MTMR10: variants seen among roughly 807,000 people sequenced by gnomAD.
MTMR10 encodes the protein myotubularin-related protein 10.
A neutral mutation model predicts 88.1 loss-of-function variants in MTMR10; 56 were observed. The ratio of observed to expected loss-of-function variants is 0.64; its 90% CI spans 0.51 to 0.79. MTMR10 has a LOEUF of 0.79. Among genes scored for constraint, MTMR10 ranks in the 30% least tolerant of loss-of-function variants. The pLI, the probability that MTMR10 is intolerant of heterozygous loss-of-function variation, is 0.00. For missense variants in MTMR10, 883 were observed against 924.7 expected (o/e 0.95, Z 0.58); for synonymous variants, 380 against 340.9 (o/e 1.11, Z -1.26).
intron 1 of MTMR10, 29 bp downstream of exon 1, chr15:30,991,418 T>A: frequency 6.8e-7 from 1 of 1,461,066 alleles, no homozygotes. Context: ...CAGAGGAGAG[T>A]CGGGCGCTCG....
Position 30,991,432 on chromosome 15 carries a change from G to A in MTMR10, c.60+15C>T. 1.4e-6 allele frequency: 2 copies of A among 1,481,152 alleles called. No individual in the cohort carries two copies. The highest frequency in any genetic ancestry group is 8.9e-7 in the Non-Finnish European group (1 of 1,117,768). 91.8% of individuals were successfully genotyped at this position (1,481,152 alleles called of 1,614,324 possible). On this transcript the variant is annotated intron_variant, in intron 1 of 15. Transcript: ENST00000435680. ...GCAGAGGAGAGTCGGGCGCTCGCGG[G>A]GAGGGGTTGTTTACCTGGGGCGGTG...
intron 2 of MTMR10, among the ~76,000 whole-genome samples, chr15:30,980,856 C>T (rs2030521395): frequency 6.6e-6 from 1 of 152,062 alleles, no homozygotes; most frequent in East Asian, 1.9e-4. Context: ...AACAAAAATG[C>T]CGGATTAGAA....
At chr15:30,967,045 G>A (rs147214597) in intron 6 of MTMR10, among the ~76,000 whole-genome samples, 321 of 152,022 alleles carry the variant, frequency 2.1e-3, no homozygotes, top group African/African-American at 7.4e-3. Context: ...ACCATGTTTC[G>A]TGGTAACAAA....
chr15:30,923,928 G>A, the MTMR10 span, among the ~76,000 whole-genome samples: 1 of 152,016 alleles, frequency 6.6e-6, no homozygotes, highest in African/African-American at 2.4e-5. Context: ...TCATAGTGTT[G>A]TGTGACCATT....
chr15:30,958,133 C>T (rs2063352686), intron 9 of MTMR10, among the ~76,000 whole-genome samples: 2 of 152,186 alleles, frequency 1.3e-5, no homozygotes, highest in African/African-American at 4.8e-5. Flanking sequence ...ATGTAGAAGT[C>T]AAGGTAGACT....
Position 30,941,903 on chromosome 15 carries a change from C to T in MTMR10, c.1901G>A (p.Trp634Ter). The T allele has an allele frequency of 6.2e-7, 1 of 1,613,980 alleles. No individual in the cohort carries two copies. The highest frequency in any genetic ancestry group is 8.5e-7 in the Non-Finnish European group (1 of 1,179,872). The change falls in exon 16 of 16, where the codon TGG becomes TAG. Residue 634 changes from tryptophan to a stop codon, truncating the protein, a stop_gained. Transcript: ENST00000435680. LOFTEE classifies it low-confidence loss of function (END_TRUNC). Reference sequence around the variant, plus strand: ...GTGCAGGTTGGCGGGTTTGGAAAACCATTCTCTAAAATACTGCTCCGTATC... The same window carrying T: ...GTGCAGGTTGGCGGGTTTGGAAAACTATTCTCTAAAATACTGCTCCGTATC... Reference protein sequence around the residue: ...NSDTEQYFREWFSKPANLHGV... With the variant: ...NSDTEQYFRE
rs142149917 is a variant in MTMR10 at position 30,954,769 on chromosome 15, C to G, written c.1060G>C (p.Val354Leu). The change falls in exon 10 of 16, where the codon GTT (valine) becomes CTT (leucine). Residue 354 changes from valine to leucine, a missense_variant. Transcript: ENST00000435680. Reference sequence around the variant, plus strand: ...GAAATAAGAATGAAATTACCATTAACGCATAGCTGCTTCAGTTTTACAAAT... The same window carrying G: ...GAAATAAGAATGAAATTACCATTAAGGCATAGCTGCTTCAGTTTTACAAAT... ...AAFVKLKQLC[V>L]NEPFEETEEK... is the part of the protein sequence containing the mutation. The G allele has an allele frequency of 6.3e-7, 1 of 1,599,072 alleles. No individual in the cohort carries two copies. The highest frequency in any genetic ancestry group is 8.5e-7 in the Non-Finnish European group (1 of 1,173,618).
In MTMR10 at chr15:30,961,085, A is replaced by G. The variant is rs1367278798; in HGVS notation, c.566-12T>C. The stretch of plus-strand genomic sequence containing the variant: ...ATTAATTTTGTTTGCTGTAGGAAAA[A>G]GCAACATTATGAATTTTAACAGTCA... On this transcript the variant is annotated splice_polypyrimidine_tract_variant and intron_variant, in intron 6 of 15. Coordinates refer to ENST00000435680, the MANE Select transcript of MTMR10 (RefSeq NM_017762.3). 3 of 1,540,520 alleles carry G rather than the reference A, an allele frequency of 1.9e-6. 1 individual carries two copies. In the African/African-American group the frequency reaches 4.1e-5, roughly 21 times the overall value.
chr15:30,975,480 T>C (rs915212193), intron 3 of MTMR10, among the ~76,000 whole-genome samples: 60 of 152,334 alleles, frequency 3.9e-4, no homozygotes, highest in African/African-American at 1.4e-3. Context: ...AGTAGGGCAC[T>C]GGTTTACTTT....
downstream of MTMR10, among the ~76,000 whole-genome samples, chr15:30,936,060 C>T (rs1381337338): frequency 1.3e-5 from 2 of 151,652 alleles, no homozygotes; most frequent in Admixed American, 6.6e-5. Flanking sequence ...ATTAAATGTC[C>T]CTTAGGCTGC....
At chr15:30,979,414 AGCCAGGCGTGGTGGTGC>A (rs1251854795) in intron 2 of MTMR10, among the ~76,000 whole-genome samples, 26 of 151,480 alleles carry the variant, frequency 1.7e-4, no homozygotes, top group Admixed American at 1.1e-3. Flanking sequence ...AAAAAAATTT[AGCCAGGCGTGGTGGTGC>A]GCCAGGCGTG....
Position 30,991,461 on chromosome 15 carries a change from G to A in MTMR10, c.46C>T (p.Leu16=), listed in dbSNP as rs750500183. ...PPKPTFRSYL[L]PPPQTDDKIN... Reference sequence around the variant, plus strand: ...GGGTTGTTTACCTGGGGCGGTGGCAGGAGGTAGGACCTGAAGGTGGGTTTG... The same window carrying A: ...GGGTTGTTTACCTGGGGCGGTGGCAAGAGGTAGGACCTGAAGGTGGGTTTG... The change falls in exon 1 of 16, where the codon CTG becomes TTG. Residue 16 remains leucine (L), a synonymous_variant. Coordinates refer to ENST00000435680, the MANE Select transcript of MTMR10 (RefSeq NM_017762.3). 1.0e-5 allele frequency: 15 copies of A among 1,504,678 alleles called. No homozygotes were observed. The highest frequency in any genetic ancestry group is 2.7e-5 in the Admixed American group (1 of 37,214). 93.2% of individuals were successfully genotyped at this position (1,504,678 alleles called of 1,614,324 possible).
At chr15:30,946,828 T>TA in intron 14 of MTMR10, 1 of 684,342 alleles carries the variant, frequency 1.5e-6, no homozygotes, top group Non-Finnish European at 2.6e-6. Flanking sequence ...TACTACCCAA[T>TA]AGCCCAAATG....
At chr15:30,976,161 G>GA (rs2030133270) in intron 3 of MTMR10, among the ~76,000 whole-genome samples, 2 of 150,470 alleles carry the variant, frequency 1.3e-5, no homozygotes, top group African/African-American at 4.9e-5. Flanking sequence ...GGCACTTTGG[G>GA]AGGGGGAGGC....
rs565449566 is a variant in MTMR10 at position 30,989,291 on chromosome 15, A to C, written c.121+1486T>G. Among the ~76,000 whole-genome samples, 9 of 152,308 alleles carry C rather than the reference A, an allele frequency of 5.9e-5. No individual in the cohort carries two copies. The South Asian group carries it at 1.9e-3, about 32-fold the overall frequency. On this transcript the variant is annotated intron_variant, in intron 2 of 15. Transcript: ENST00000435680. ...GTAATTCTACTGTTCACTCTGAGGAAAAGTACAAATGATTAATTAGTACAC... is the reference window on the plus strand; with the variant it reads ...GTAATTCTACTGTTCACTCTGAGGACAAGTACAAATGATTAATTAGTACAC...
Position 30,976,805 on chromosome 15 carries a change from C to G in MTMR10, c.258+14G>C. 2 of 1,608,502 alleles carry G rather than the reference C, an allele frequency of 1.2e-6. No individual in the cohort carries two copies. The highest frequency in any genetic ancestry group is 1.7e-6 in the Non-Finnish European group (2 of 1,178,046). On this transcript the variant is annotated intron_variant, in intron 3 of 15. Transcript: ENST00000435680. ...AAGCCTGATAGAATGAAACAGTGTACTAATAAAACACACCTGTAATGGCAT... is the reference window on the plus strand; with the variant it reads ...AAGCCTGATAGAATGAAACAGTGTAGTAATAAAACACACCTGTAATGGCAT...
chr15:30,991,283 TCCCGAGAAGGCG>T, intron 1 of MTMR10, 152 bp downstream of exon 1: 1 of 630,246 alleles, frequency 1.6e-6, no homozygotes, highest in South Asian at 3.1e-5. Flanking sequence ...CAGTGGGGGC[TCCCGAGAAGGCG>T]CATTTCGCGG....
downstream of MTMR10, among the ~76,000 whole-genome samples, chr15:30,936,600 T>C (rs1406857396): frequency 6.6e-6 from 1 of 152,244 alleles, no homozygotes; most frequent in African/African-American, 2.4e-5. Context: ...ATACAGACGC[T>C]TCTCAACTTA....
At chr15:30,980,881 T>C (rs2141061032) in intron 2 of MTMR10, among the ~76,000 whole-genome samples, 1 of 152,376 alleles carries the variant, frequency 6.6e-6, no homozygotes, top group South Asian at 2.1e-4. Flanking sequence ...AATTAAAAAG[T>C]ATCTGTGAAT....
Sources: gnomAD v4.1 joint callset for allele counts (sites outside exome capture counted in the v4.1 genomes callset) on GRCh38, gnomAD v4.1.1 for gene constraint, MANE v1.5 for transcripts, NCBI Gene and HGNC (gene_info 2026-07-23, HGNC 2026-07-21) for gene names.